The following PTPRM variants were observed in gnomAD, a reference collection of about 807,000 sequenced individuals.
The protein encoded by PTPRM is receptor-type tyrosine-protein phosphatase mu.
In PTPRM, 47 loss-of-function variants were observed where a neutral mutation model predicts 186.7. That is an observed-to-expected ratio of 0.25 (90% CI 0.20 to 0.32). The LOEUF (loss-of-function observed/expected upper bound fraction) is 0.32. PTPRM is among the 10% of genes least tolerant of loss of function. The pLI, the probability that PTPRM is intolerant of heterozygous loss-of-function variation, is 1.00. For synonymous variants in PTPRM, 668 were observed against 674.9 expected (o/e 0.99, Z 0.16); for missense variants, 1,494 against 1,865.0 (o/e 0.80, Z 3.66).
intron 4 of PTPRM, 34 bp from the exon 5 acceptor site, chr18:7,926,534 C>G (rs767185503): frequency 2.0e-6 from 3 of 1,519,572 alleles, no homozygotes; most frequent in Non-Finnish European, 1.8e-6. Context: ...CAAATCTCCA[C>G]TTTTAATATC....
intron 7 of PTPRM, among the ~76,000 whole-genome samples, chr18:8,015,949 A>G (rs143279606): frequency 1.6e-4 from 25 of 152,324 alleles, no homozygotes; most frequent in African/African-American, 5.8e-4. Flanking sequence ...CGAAATATCA[A>G]TTAACAAAAA....
At chr18:7,813,982 C>T (rs2044668802) in intron 2 of PTPRM, 2 of 152,168 alleles carry the variant, frequency 1.3e-5, no homozygotes, top group African/African-American at 4.8e-5. Context: ...ATCTCCTCTT[C>T]ACTTTAATAC....
intron 4 of PTPRM, among the ~76,000 whole-genome samples, chr18:7,921,113 G>A (rs1252530431): frequency 6.6e-6 from 1 of 152,010 alleles, no homozygotes; most frequent in Non-Finnish European, 1.5e-5. Flanking sequence ...TGAACTTTCT[G>A]TCCCTGGATA....
intron 32 of PTPRM, among the ~76,000 whole-genome samples, chr18:8,398,228 C>A (rs1048967452): frequency 4.6e-5 from 7 of 152,286 alleles, no homozygotes; most frequent in African/African-American, 1.7e-4. Flanking sequence ...AAGCAGTCCT[C>A]CTGCCTCAGC....
chr18:7,729,137 G>T (rs770474772), intron 1 of PTPRM, among the ~76,000 whole-genome samples: 1 of 151,806 alleles, frequency 6.6e-6, no homozygotes, highest in Non-Finnish European at 1.5e-5. Flanking sequence ...TCTCAAACTC[G>T]TGGGCTCAAA....
At chr18:8,308,640 A>C (rs1326004111) in intron 20 of PTPRM, among the ~76,000 whole-genome samples, 1 of 152,228 alleles carries the variant, frequency 6.6e-6, no homozygotes, top group Non-Finnish European at 1.5e-5. Flanking sequence ...CTTACAGCAC[A>C]ATTAGGATTA....
chr18:7,878,651 A>C (rs1196074582), intron 2 of PTPRM, among the ~76,000 whole-genome samples: 1 of 152,196 alleles, frequency 6.6e-6, no homozygotes, highest in African/African-American at 2.4e-5. Context: ...CTAACTGCAC[A>C]ATTTCTTCTT....
chr18:7,621,122 A>C (rs983067729), intron 1 of PTPRM, among the ~76,000 whole-genome samples: 13 of 152,230 alleles, frequency 8.5e-5, no homozygotes, highest in Non-Finnish European at 1.3e-4. Context: ...CTTTAAATTT[A>C]TTAATGCATT....
intron 1 of PTPRM, among the ~76,000 whole-genome samples, chr18:7,772,373 TTCTTTCTTTCTTTCTTTCTTTCTTTC>T (rs1490466445): frequency 8.1e-6 from 1 of 123,362 alleles, no homozygotes; most frequent in Non-Finnish European, 1.7e-5. Context: ...CTTTCTTTCT[TTCTTTCTTTCTTTCTTTCTTTCTTTC>T]TTTCTTTCTT....
intron 13 of PTPRM, among the ~76,000 whole-genome samples, chr18:8,139,192 C>A (rs1358920218): frequency 6.6e-6 from 1 of 152,182 alleles, no homozygotes; most frequent in Non-Finnish European, 1.5e-5. Flanking sequence ...CAAACCTGCT[C>A]CTCCTGCAGT....
intron 1 of PTPRM, among the ~76,000 whole-genome samples, chr18:7,589,056 C>G (rs985593786): frequency 2.0e-5 from 3 of 152,156 alleles, no homozygotes; most frequent in Non-Finnish European, 2.9e-5. Context: ...CTGTGTTCTC[C>G]AGGCTGGTCT....
chr18:8,148,574 A>C (rs1361963590), intron 14 of PTPRM, among the ~76,000 whole-genome samples: 1 of 151,628 alleles, frequency 6.6e-6, no homozygotes, highest in Non-Finnish European at 1.5e-5. Flanking sequence ...TGGTCTAGCT[A>C]TTTTGTTGAT....
At chr18:7,978,609 G>A (rs1375631980) in intron 7 of PTPRM, among the ~76,000 whole-genome samples, 1 of 152,154 alleles carries the variant, frequency 6.6e-6, no homozygotes, top group Non-Finnish European at 1.5e-5. Context: ...CACTTTCTCT[G>A]TTTGACACGT....
intron 19 of PTPRM, among the ~76,000 whole-genome samples, chr18:8,258,717 A>G (rs968337023): frequency 6.6e-6 from 1 of 152,172 alleles, no homozygotes; most frequent in Non-Finnish European, 1.5e-5. Flanking sequence ...ATGTCAGTTG[A>G]AGGCTACTTC....
intron 31 of PTPRM, 62 bp from the exon 32 acceptor site, chr18:8,394,414 G>A: frequency 6.6e-7 from 1 of 1,510,240 alleles, no homozygotes; most frequent in Non-Finnish European, 8.9e-7. Flanking sequence ...GTTTCCACAG[G>A]TGTTTGCAAG....
chr18:8,240,835 AAAG>A (rs1451661776), intron 14 of PTPRM, among the ~76,000 whole-genome samples: 24,275 of 131,540 alleles, frequency 0.18, 3,036 homozygotes, highest in African/African-American at 0.3. Flanking sequence ...AGAAAGAAAG[AAAG>A]AAAGAAAAGA....
At chr18:8,145,861 T>C (rs1369919956) in intron 14 of PTPRM, among the ~76,000 whole-genome samples, 1 of 152,212 alleles carries the variant, frequency 6.6e-6, no homozygotes, top group Non-Finnish European at 1.5e-5. Context: ...AATGGGATTG[T>C]TGGATCAAAT....
chr18:7,929,821 C>T (rs73379994), intron 5 of PTPRM, among the ~76,000 whole-genome samples: 1,621 of 152,130 alleles, frequency 0.011, 35 homozygotes, highest in African/African-American at 0.037. Flanking sequence ...CTTTAGAGGT[C>T]GTGAAGACAT....
At chr18:7,922,270 C>T (rs76755461) in intron 4 of PTPRM, among the ~76,000 whole-genome samples, 8,065 of 152,278 alleles carry the variant, frequency 0.053, 381 homozygotes, top group East Asian at 0.18. Flanking sequence ...TGCTGCTTAA[C>T]AGCCACTCTG....
Sources: gnomAD v4.1 joint callset for allele counts (sites outside exome capture counted in the v4.1 genomes callset) on GRCh38, gnomAD v4.1.1 for gene constraint, MANE v1.5 for transcripts, NCBI Gene and HGNC (gene_info 2026-07-23, HGNC 2026-07-21) for gene names.